The following SLC15A5 variants were observed in gnomAD, a reference collection of about 807,000 sequenced individuals.
SLC15A5 encodes solute carrier family 15 member 5.
In SLC15A5, 58 loss-of-function variants were observed where a neutral mutation model predicts 56.1. The observed-to-expected ratio is 1.03, with a 90% confidence interval of 0.84 to 1.29. The LOEUF is 1.29. Ranked by LOEUF, SLC15A5 falls within the 50% of genes most tolerant of loss-of-function variation. The pLI is 0.00. For synonymous variants in SLC15A5, 264 were observed against 250.5 expected, an observed-to-expected ratio of 1.05 and a Z score of -0.51; for missense variants, 681 against 672.1, an observed-to-expected ratio of 1.01 and a Z score of -0.15.
At chr12:16,259,350 C>T (rs1271476527) in intron 2 of SLC15A5, among the ~76,000 whole-genome samples, 1 of 151,468 alleles carries the variant, frequency 6.6e-6, no homozygotes, top group East Asian at 1.9e-4. Flanking sequence ...TCACTCCCTC[C>T]CTCTCTTCCC....
At chr12:16,215,299 A>C (rs984255470) in intron 7 of SLC15A5, among the ~76,000 whole-genome samples, 7 of 151,572 alleles carry the variant, frequency 4.6e-5, no homozygotes, top group African/African-American at 1.7e-4. Flanking sequence ...AGGTTGCTTA[A>C]GCCTGCATAT....
In SLC15A5 at chr12:16,267,807, C is replaced by T. The variant is rs57185317; in HGVS notation, c.584+4754G>A. Among the ~76,000 whole-genome samples, 813 of 90,270 alleles carry T rather than the reference C, an allele frequency of 9.0e-3. 181 individuals are homozygous for T. Among genetic ancestry groups the T allele is most frequent in the African/African-American group, 0.034 (756 of 22,160 alleles). The allele number at this position is 90,270 out of a possible 152,430, so 59.2% of individuals were successfully genotyped here. ...AGACTAGACTGGTGCAGGGTGTTCA[C>T]AGCTCACTGTAATCTCAGCCTCCTG... is the stretch of plus-strand genomic sequence containing the variant. On this transcript the variant is annotated intron_variant, in intron 2 of 8. Coordinates refer to ENST00000344941, the MANE Select transcript of SLC15A5 (RefSeq NM_001170798.1).
Position 16,267,348 on chromosome 12 carries a change from G to T in SLC15A5, c.584+5213C>A. Among the ~76,000 whole-genome samples the T allele has an allele frequency of 1.7e-5, 2 of 116,906 alleles. 1 individual carries two copies. The highest frequency in any genetic ancestry group is 3.7e-5 in the Non-Finnish European group (2 of 54,778). 76.7% of individuals were successfully genotyped at this position (116,906 alleles called of 152,430 possible). ...CTTGGGCACCGATTTCATGGTGGAT[G>T]GCTGTTGTCAATCATTGCTTCTTTT... On this transcript the variant is annotated intron_variant, in intron 2 of 8. Coordinates refer to ENST00000344941, the MANE Select transcript of SLC15A5 (RefSeq NM_001170798.1).
At chr12:16,264,481 T>G (rs1172991629) in intron 2 of SLC15A5, among the ~76,000 whole-genome samples, 1 of 152,156 alleles carries the variant, frequency 6.6e-6, no homozygotes, top group African/African-American at 2.4e-5. Context: ...CTGTGGACTT[T>G]TGAGTTAATG....
intron 7 of SLC15A5, among the ~76,000 whole-genome samples, chr12:16,204,198 G>C (rs1016496021): frequency 6.6e-6 from 1 of 152,122 alleles, no homozygotes; most frequent in Non-Finnish European, 1.5e-5. Context: ...GCTCACACCT[G>C]TAATCCCAGC....
At chr12:16,226,346 G>A (rs908726303) in intron 5 of SLC15A5, among the ~76,000 whole-genome samples, 1 of 152,076 alleles carries the variant, frequency 6.6e-6, no homozygotes, top group African/African-American at 2.4e-5. Flanking sequence ...ATCTGCAGAT[G>A]TGGATCCCTT....
chr12:16,227,222 G>A (rs1262752799), intron 5 of SLC15A5, among the ~76,000 whole-genome samples: 1 of 152,086 alleles, frequency 6.6e-6, no homozygotes, highest in African/African-American at 2.4e-5. Context: ...TTTTGCTTCC[G>A]TAAACGGCTC....
chr12:16,276,979 A>G (rs1157266353), intron 1 of SLC15A5, among the ~76,000 whole-genome samples: 2 of 152,086 alleles, frequency 1.3e-5, no homozygotes, highest in Non-Finnish European at 2.9e-5. Context: ...AAGCAAATAC[A>G]TTTCACATTT....
rs1864390946 is a variant in SLC15A5 at position 16,239,605 on chromosome 12, C to G, written c.1162+76G>C. 2.2e-6 allele frequency: 3 copies of G among 1,380,894 alleles called. No homozygotes were observed. The East Asian group carries it at 7.5e-5, about 35-fold the overall frequency. The allele number at this position is 1,380,894 out of a possible 1,614,324, so 85.5% of individuals were successfully genotyped here. A position where few individuals can be genotyped will look rare whatever the true frequency, so the allele number is the denominator to read the frequency against. ...TCTGACACTACTCAGGAGCATATAG[C>G]TAGTTCGGATCTTAGCAGAATGTTG... On this transcript the variant is annotated intron_variant, in intron 5 of 8. Transcript: ENST00000344941.
In SLC15A5 at chr12:16,191,894, C is replaced by A. The variant is rs375077866; in HGVS notation, c.1593-2079G>T. 4.6e-5 allele frequency among the ~76,000 whole-genome samples: 7 copies of A among 152,148 alleles called. No homozygotes were observed. The East Asian group carries it at 1.2e-3, about 25-fold the overall frequency. The stretch of plus-strand genomic sequence containing the variant: ...ACATCCATTCTTTTCCTGTGGGGTG[C>A]TCGTCAACAGGTGGTAGTGGGTAGA... On this transcript the variant is annotated intron_variant, in intron 8 of 8. Coordinates refer to ENST00000344941, the MANE Select transcript of SLC15A5 (RefSeq NM_001170798.1).
intron 2 of SLC15A5, among the ~76,000 whole-genome samples, chr12:16,258,614 A>T (rs1169271591): frequency 6.6e-6 from 1 of 151,510 alleles, no homozygotes; most frequent in Non-Finnish European, 1.5e-5. Context: ...TATAACTTAT[A>T]TACATATTAG....
intron 5 of SLC15A5, among the ~76,000 whole-genome samples, chr12:16,232,060 T>C (rs1479929405): frequency 6.6e-6 from 1 of 152,158 alleles, no homozygotes; most frequent in Non-Finnish European, 1.5e-5. Context: ...TCTATAAGAA[T>C]AGATATCCCA....
chr12:16,237,332 A>G lies in SLC15A5; in HGVS notation c.1162+2349T>C, dbSNP rs1401728609. ...ATTCCCATAGCAAAACGTTATGCAA[A>G]TAAACGTACAAGTATGCAAATCAAT... On this transcript the variant is annotated intron_variant, in intron 5 of 8. Transcript: ENST00000344941. The surrounding 1 kb of genome is among the most constrained non-coding windows in gnomAD (Gnocchi z 4.1). 6.6e-6 allele frequency among the ~76,000 whole-genome samples: 1 copy of G among 152,196 alleles called. No individual in the cohort carries two copies. The highest frequency in any genetic ancestry group is 1.5e-5 in the Non-Finnish European group (1 of 68,018).
intron 7 of SLC15A5, among the ~76,000 whole-genome samples, chr12:16,200,931 A>C (rs953997859): frequency 6.6e-6 from 1 of 152,172 alleles, no homozygotes; most frequent in African/African-American, 2.4e-5. Context: ...TAGATTTAAT[A>C]GTTCTAAGAG....
intron 2 of SLC15A5, among the ~76,000 whole-genome samples, chr12:16,265,730 G>A (rs564596149): frequency 7.6e-4 from 115 of 152,098 alleles, no homozygotes; most frequent in Admixed American, 7.1e-3. Context: ...CAATCCACCC[G>A]CTTTGGCCTC....
intron 8 of SLC15A5, among the ~76,000 whole-genome samples, chr12:16,192,258 G>T (rs1041027907): frequency 6.6e-6 from 1 of 152,042 alleles, no homozygotes; most frequent in Non-Finnish European, 1.5e-5. Context: ...TTTCCTTCTT[G>T]CTTTGTTTCT....
intron 5 of SLC15A5, among the ~76,000 whole-genome samples, chr12:16,226,244 T>C (rs1037000090): frequency 6.6e-6 from 1 of 152,220 alleles, no homozygotes; most frequent in Admixed American, 6.5e-5. Context: ...ACAGTTGTTA[T>C]ACTATATTGT....
At chr12:16,240,826 T>G (rs1314219206) in intron 4 of SLC15A5, among the ~76,000 whole-genome samples, 1 of 152,032 alleles carries the variant, frequency 6.6e-6, no homozygotes, top group Non-Finnish European at 1.5e-5. Context: ...ATTTTTATTT[T>G]TTTTGAGACA....
intron 7 of SLC15A5, among the ~76,000 whole-genome samples, chr12:16,212,485 A>G (rs1864093094): frequency 6.8e-6 from 1 of 147,988 alleles, no homozygotes; most frequent in African/African-American, 2.5e-5. Context: ...TCTGATGGCT[A>G]AAGGGATTGT....
Sources: gnomAD v4.1 joint callset for allele counts (sites outside exome capture counted in the v4.1 genomes callset) on GRCh38, gnomAD v4.1.1 for gene constraint, Gnocchi (gnomAD v3.1) non-coding constraint, MANE v1.5 for transcripts, NCBI Gene and HGNC (gene_info 2026-07-23, HGNC 2026-07-21) for gene names.